ASIC2: variants seen among roughly 807,000 people sequenced by gnomAD.
ASIC2 encodes acid-sensing ion channel 2.
A neutral mutation model predicts 57.3 loss-of-function variants in ASIC2; 25 were observed. The observed-to-expected ratio is 0.44, with a 90% CI of 0.32 to 0.61. The LOEUF (loss-of-function observed/expected upper bound fraction) is 0.61. Among genes scored for constraint, ASIC2 ranks in the 20% least tolerant of loss-of-function variants. The pLI, the probability that ASIC2 is intolerant of heterozygous loss-of-function variation, is 0.06. For missense variants in ASIC2, 641 were observed against 738.1 expected (o/e 0.87, Z 1.52); for synonymous variants, 319 against 307.5 (o/e 1.04, Z -0.39).
chr17:33,786,801 C>G (rs1159953049), intron 1 of ASIC2, among the ~76,000 whole-genome samples: 1 of 152,122 alleles, frequency 6.6e-6, no homozygotes, highest in East Asian at 1.9e-4. Context: ...TACTACAAGT[C>G]ACCCCTCAGG....
chr17:33,645,913 A>G lies in ASIC2; in HGVS notation c.555+510065T>C, dbSNP rs534398561. The stretch of plus-strand genomic sequence containing the variant: ...CTTAACATGTAATTTTAATTCTCAC[A>G]ACAAACTTATGAGGTTGTTGCTATC... On this transcript the variant is annotated intron_variant, in intron 1 of 9. Coordinates refer to the ASIC2 transcript ENST00000359872. Among the ~76,000 whole-genome samples, 3 of 152,270 alleles carry G rather than the reference A, an allele frequency of 2.0e-5. No individual in the cohort carries two copies. In the East Asian group the frequency reaches 5.8e-4, roughly 29 times the overall value.
chr17:33,725,732 C>CG (rs35193032), intron 1 of ASIC2, among the ~76,000 whole-genome samples: 1 of 110,054 alleles, frequency 9.1e-6, no homozygotes, highest in Non-Finnish European at 1.9e-5. Context: ...CCCCCCCCCC[C>CG]TTTTTTTATG....
At chr17:33,908,143 T>A (rs1915389741) in intron 1 of ASIC2, among the ~76,000 whole-genome samples, 1 of 152,136 alleles carries the variant, frequency 6.6e-6, no homozygotes, top group Non-Finnish European at 1.5e-5. Context: ...GGAACCCCCT[T>A]TGAGAAATTC....
At chr17:33,695,728 A>G (rs1292046173) in intron 1 of ASIC2, among the ~76,000 whole-genome samples, 1 of 152,154 alleles carries the variant, frequency 6.6e-6, no homozygotes, top group African/African-American at 2.4e-5. Flanking sequence ...AGATAAAGAC[A>G]TATGTCCTCC....
At chr17:33,342,937 C>T (rs1018068860) in intron 1 of ASIC2, among the ~76,000 whole-genome samples, 5 of 152,194 alleles carry the variant, frequency 3.3e-5, no homozygotes, top group African/African-American at 1.2e-4. Flanking sequence ...GCCTCCAATG[C>T]TACTCAGGTG....
At chr17:33,412,566 A>G (rs1008947658) in intron 1 of ASIC2, among the ~76,000 whole-genome samples, 15 of 152,216 alleles carry the variant, frequency 9.9e-5, no homozygotes, top group Admixed American at 3.9e-4. Context: ...GCACAGTCAG[A>G]ATTAAAATCC....
intron 1 of ASIC2, among the ~76,000 whole-genome samples, chr17:33,819,936 A>T (rs1239407896): frequency 6.6e-6 from 1 of 152,202 alleles, no homozygotes; most frequent in African/African-American, 2.4e-5. Flanking sequence ...GGAAAGCTGT[A>T]TGTCACCTCA....
At chr17:33,357,505 T>C (rs1908432068) in intron 1 of ASIC2, among the ~76,000 whole-genome samples, 1 of 152,192 alleles carries the variant, frequency 6.6e-6, no homozygotes. Flanking sequence ...CCCAAATCTA[T>C]ATGCTTATCT....
Position 34,068,292 on chromosome 17 carries a change from G to A in ASIC2, c.555+87686C>T, listed in dbSNP as rs116995598. On this transcript the variant is annotated intron_variant, in intron 1 of 9. Coordinates refer to the ASIC2 transcript ENST00000359872. ...AGAAGGGGACCAGGAATCAGCTTTC[G>A]GGGTCTGCCTCGACTTAGGGTTTTT... 8.2e-3 allele frequency among the ~76,000 whole-genome samples: 1,255 copies of A among 152,280 alleles called. 16 individuals are homozygous for A. The highest frequency in any genetic ancestry group is 0.022 in the Admixed American group (333 of 15,310).
At chr17:33,930,198 G>A (rs1915902615) in intron 1 of ASIC2, among the ~76,000 whole-genome samples, 2 of 152,174 alleles carry the variant, frequency 1.3e-5, no homozygotes, top group Non-Finnish European at 2.9e-5. Flanking sequence ...AGGGAAAACG[G>A]GACTCTATCA....
chr17:33,215,241 G>A (rs1483885830), intron 1 of ASIC2, among the ~76,000 whole-genome samples: 2 of 152,180 alleles, frequency 1.3e-5, no homozygotes, highest in African/African-American at 4.8e-5. Flanking sequence ...TCTGGGGAGA[G>A]GGTACATTTG....
intron 1 of ASIC2, among the ~76,000 whole-genome samples, chr17:33,729,747 G>A (rs900838468): frequency 1.3e-5 from 2 of 152,150 alleles, no homozygotes; most frequent in Admixed American, 6.5e-5. Context: ...TCTGTGTAAA[G>A]CGCCTGGGAT....
intron 3 of ASIC2, among the ~76,000 whole-genome samples, chr17:33,048,865 A>C (rs1028226461): frequency 2.0e-5 from 3 of 152,080 alleles, no homozygotes; most frequent in Non-Finnish European, 4.4e-5. Context: ...ATTTCACCTG[A>C]TAGAGAGGGT....
intron 1 of ASIC2, among the ~76,000 whole-genome samples, chr17:33,249,761 G>C (rs1280609175): frequency 6.6e-6 from 1 of 152,180 alleles, no homozygotes; most frequent in East Asian, 1.9e-4. Context: ...TTTTGCAGCG[G>C]TTGCATAAAC....
intron 1 of ASIC2, among the ~76,000 whole-genome samples, chr17:33,337,089 C>G (rs1036857222): frequency 3.3e-5 from 5 of 152,100 alleles, no homozygotes; most frequent in Admixed American, 1.3e-4. Flanking sequence ...GGTCCTGCCC[C>G]CTCACAGAGG....
At chr17:33,524,560 C>T (rs1229357869) in intron 1 of ASIC2, among the ~76,000 whole-genome samples, 2 of 152,082 alleles carry the variant, frequency 1.3e-5, no homozygotes, top group Non-Finnish European at 1.5e-5. Flanking sequence ...GAGGTGTGCA[C>T]TGGGAGGGGG....
At chr17:34,016,423 CAAAAAA>C (rs398041640) in intron 1 of ASIC2, among the ~76,000 whole-genome samples, 1 of 41,450 alleles carries the variant, frequency 2.4e-5, no homozygotes, top group African/African-American at 8.3e-5. Flanking sequence ...GACTCCGTCT[CAAAAAA>C]AAAAAAAAAA....
intron 1 of ASIC2, among the ~76,000 whole-genome samples, chr17:33,861,345 A>C (rs527569953): frequency 2.0e-5 from 3 of 152,218 alleles, no homozygotes; most frequent in Non-Finnish European, 4.4e-5. Flanking sequence ...GCTATGGAAT[A>C]ATGCTTTTTT....
chr17:33,399,026 C>G (rs1910184572), intron 1 of ASIC2, among the ~76,000 whole-genome samples: 1 of 152,090 alleles, frequency 6.6e-6, no homozygotes. Flanking sequence ...TTGTGGTGGC[C>G]ATTTTCTACT....
Sources: gnomAD v4.1 joint callset for allele counts (sites outside exome capture counted in the v4.1 genomes callset) on GRCh38, gnomAD v4.1.1 for gene constraint, MANE v1.5 for transcripts, NCBI Gene and HGNC (gene_info 2026-07-23, HGNC 2026-07-21) for gene names.